The following HELZ variants were observed in gnomAD, a reference collection of about 807,000 sequenced individuals.
HELZ encodes helicase with zinc finger.
In HELZ, 23 loss-of-function variants were observed where a neutral mutation model predicts 218.2. The observed-to-expected ratio is 0.11, with a 90% CI of 0.08 to 0.15. The LOEUF (loss-of-function observed/expected upper bound fraction) is 0.15. HELZ is among the 10% of genes least tolerant of loss of function. The pLI is 1.00. For synonymous variants in HELZ, 814 were observed against 829.4 expected (o/e 0.98, Z 0.32); for missense variants, 1,813 against 2,353.7 (o/e 0.77, Z 4.75).
chr17:67,087,922 A>G (rs1281534626), intron 31 of HELZ, among the ~76,000 whole-genome samples: 6 of 152,080 alleles, frequency 3.9e-5, no homozygotes, highest in Admixed American at 3.3e-4. Flanking sequence ...GGCAGTGTAG[A>G]GCAGTGGTTA....
Position 67,150,223 on chromosome 17 carries a change from G to C in HELZ, c.2357-238C>G, listed in dbSNP as rs147483836. 3.8e-4 allele frequency: 103 copies of C among 273,162 alleles called. 1 individual carries two copies. The highest frequency in any genetic ancestry group is 2.4e-3 in the African/African-American group (92 of 38,984). 16.9% of individuals were successfully genotyped at this position (273,162 alleles called of 1,614,324 possible). A position where few individuals can be genotyped will look rare whatever the true frequency, so the allele number is the denominator to read the frequency against. On this transcript the variant is annotated intron_variant, in intron 18 of 32. Transcript: ENST00000358691. ...TATGATCACAGCTCACTGTAGCCTC[G>C]GGCTCAGGTGATCCTCCAACCTCAG...
intron 5 of HELZ, among the ~76,000 whole-genome samples, chr17:67,210,047 A>G (rs2040411312): frequency 2.0e-5 from 3 of 152,080 alleles, no homozygotes; most frequent in African/African-American, 7.2e-5. Flanking sequence ...GCAAAACCCC[A>G]TCTCTACAAA....
At chr17:67,203,129 G>GA (rs1251725474) in intron 6 of HELZ, among the ~76,000 whole-genome samples, 190 bp downstream of exon 6, 1 of 150,086 alleles carries the variant, frequency 6.7e-6, no homozygotes, top group Non-Finnish European at 1.5e-5. Context: ...TCAAAAAAAA[G>GA]AAAAAAACAA....
intron 17 of HELZ, among the ~76,000 whole-genome samples, chr17:67,152,522 C>T (rs1279625054): frequency 4.6e-5 from 7 of 152,216 alleles, no homozygotes; most frequent in African/African-American, 4.8e-5. Context: ...AATGATTCCA[C>T]GCCTTTGAAA....
chr17:67,093,537 A>T (rs765603701), intron 31 of HELZ, among the ~76,000 whole-genome samples: 1 of 152,230 alleles, frequency 6.6e-6, no homozygotes, highest in Non-Finnish European at 1.5e-5. Flanking sequence ...GACGATGGGA[A>T]TGTTCTGTGT....
intron 13 of HELZ, 21 bp from the exon 14 acceptor site, chr17:67,167,817 T>C (rs2039190873): frequency 6.7e-7 from 1 of 1,483,428 alleles, no homozygotes; most frequent in Non-Finnish European, 9.2e-7. Context: ...AGTAGAAAAC[T>C]AGTTTGAATA....
At chr17:67,202,004 G>A (rs1469807237) in intron 6 of HELZ, among the ~76,000 whole-genome samples, 1 of 151,778 alleles carries the variant, frequency 6.6e-6, no homozygotes, top group African/African-American at 2.4e-5. Context: ...AATATACCAA[G>A]TACTTCCCTA....
At chr17:67,145,615 A>C in intron 21 of HELZ, 128 bp downstream of exon 21, 1 of 661,710 alleles carries the variant, frequency 1.5e-6, no homozygotes, top group Non-Finnish European at 2.5e-6. Context: ...TAAACTTTAC[A>C]TACTATTTAC....
At chr17:67,154,259 A>G (rs1236699793) in intron 17 of HELZ, among the ~76,000 whole-genome samples, 1 of 152,062 alleles carries the variant, frequency 6.6e-6, no homozygotes, top group Non-Finnish European at 1.5e-5. Context: ...AAAACCCCGT[A>G]TCTACTAAAA....
intron 27 of HELZ, chr17:67,119,916 A>C: frequency 4.8e-6 from 2 of 415,456 alleles, no homozygotes; most frequent in Admixed American, 3.0e-5. Context: ...GTTACATCTC[A>C]ATTTTGTGTC....
At position 67,138,039 on chromosome 17, in the gene HELZ, T is replaced by A; in HGVS notation, c.2845A>T (p.Ser949Cys). 1 of 1,613,904 alleles carries A rather than the reference T, an allele frequency of 6.2e-7. No individual in the cohort carries two copies. Among genetic ancestry groups the A allele is most frequent in the Non-Finnish European group, 8.5e-7 (1 of 1,179,850 alleles). The change falls in exon 22 of 33, where the codon AGT becomes TGT. Residue 949 changes from serine (S) to cysteine (C), a missense_variant. Transcript: ENST00000358691. ...PVAWGKLDDG[S>C]IGVVTPYADQ... ...GCATATGGAGTCACCACACCAATAC[T>A]GCCATCATCTAACTTCCCCCACGCT...
At chr17:67,214,259 CTTTTTTTTTTTTT>C (rs777420102) in intron 5 of HELZ, among the ~76,000 whole-genome samples, 54 of 87,734 alleles carry the variant, frequency 6.2e-4, no homozygotes, top group African/African-American at 2.5e-3. Context: ...ATTAATATTT[CTTTTTTTTTTTTT>C]TTTTTTTTTT....
intron 13 of HELZ, among the ~76,000 whole-genome samples, chr17:67,178,253 TTCA>T (rs1567866939): frequency 6.6e-6 from 1 of 152,212 alleles, no homozygotes; most frequent in Non-Finnish European, 1.5e-5. Flanking sequence ...TCTAAATAAT[TTCA>T]TTCCTAAAAC....
chr17:67,095,350 T>C (rs2036710597), intron 31 of HELZ, among the ~76,000 whole-genome samples: 1 of 151,816 alleles, frequency 6.6e-6, no homozygotes, highest in African/African-American at 2.4e-5. Context: ...CTGGGTAACA[T>C]AGTGAGATAC....
intron 17 of HELZ, among the ~76,000 whole-genome samples, chr17:67,158,766 A>G (rs1370093733): frequency 1.3e-5 from 2 of 152,188 alleles, no homozygotes; most frequent in African/African-American, 4.8e-5. Context: ...ACCCTACTGA[A>G]CATAACTTCT....
chr17:67,182,489 T>C (rs2039641689), intron 12 of HELZ, among the ~76,000 whole-genome samples: 1 of 152,076 alleles, frequency 6.6e-6, no homozygotes, highest in Non-Finnish European at 1.5e-5. Flanking sequence ...GGATCAATAT[T>C]CATAAAACCA....
intron 13 of HELZ, among the ~76,000 whole-genome samples, chr17:67,171,983 C>G (rs186105793): frequency 6.6e-6 from 1 of 151,628 alleles, no homozygotes; most frequent in Non-Finnish European, 1.5e-5. Flanking sequence ...AGGTGCCCAC[C>G]ACCACACCAG....
intron 17 of HELZ, among the ~76,000 whole-genome samples, chr17:67,157,344 G>A (rs1485317961): frequency 6.6e-6 from 1 of 152,156 alleles, no homozygotes; most frequent in African/African-American, 2.4e-5. Context: ...CACTGCTGAC[G>A]TTTTCACAAT....
In HELZ at chr17:67,123,964, A is replaced by G; in HGVS notation, c.3438T>C (p.Ile1146=). The G allele has an allele frequency of 6.2e-7, 1 of 1,608,004 alleles. No homozygotes were observed. Among genetic ancestry groups the G allele is most frequent in the Non-Finnish European group, 8.5e-7 (1 of 1,175,050 alleles). The change falls in exon 25 of 33, where the codon ATT becomes ATC. Residue 1146 remains isoleucine, a splice_region_variant and synonymous_variant. Coordinates refer to ENST00000358691, the MANE Select transcript of HELZ (RefSeq NM_014877.4). Reference sequence around the variant, plus strand: ...TCATAGGGTAATTTTTCCACTTACCAATTCCATCATTCTGGAAGTGATCAT... The same window carrying G: ...TCATAGGGTAATTTTTCCACTTACCGATTCCATCATTCTGGAAGTGATCAT... ...TQNDHFQNDG[I]VQPNPSVLIG...
Sources: allele counts gnomAD v4.1 joint callset (sites outside exome capture counted in the v4.1 genomes callset), GRCh38; gene constraint gnomAD v4.1.1; transcripts MANE v1.5; gene names NCBI Gene and HGNC (gene_info 2026-07-23, HGNC 2026-07-21).